Variants in EYS observed in about 807,000 individuals in gnomAD.
EYS encodes EGF-like photoreceptor maintenance factor.
EYS carries 250 observed loss-of-function variants against 282.1 expected under a neutral mutation model. The ratio of observed to expected loss-of-function variants is 0.89; its 90% CI spans 0.80 to 0.98. The LOEUF is 0.98. Ranked by LOEUF, EYS falls within the 50% of genes least tolerant of loss-of-function variation. The pLI is 0.00. For missense variants in EYS, 4,016 were observed against 3,709.0 expected (o/e 1.08, Z -2.15); for synonymous variants, 1,355 against 1,282.9 (o/e 1.06, Z -1.20).
intron 31 of EYS, among the ~76,000 whole-genome samples, chr6:64,096,085 T>G (rs1772600062): frequency 6.6e-6 from 1 of 152,228 alleles, no homozygotes; most frequent in Admixed American, 6.5e-5. Flanking sequence ...TGGCCCCCAC[T>G]CTCTTCTGGC....
chr6:64,033,731 G>A (rs1769974689), intron 33 of EYS, among the ~76,000 whole-genome samples: 1 of 151,862 alleles, frequency 6.6e-6, no homozygotes, highest in South Asian at 2.1e-4. Context: ...TAGAATTATT[G>A]TTTTCTAGAA....
At chr6:64,601,381 T>C (rs673271) in intron 24 of EYS, among the ~76,000 whole-genome samples, 18,598 of 151,896 alleles carry the variant, frequency 0.12, 1,179 homozygotes, top group East Asian at 0.16. Context: ...TGATTCAGTC[T>C]CTCCATTCTA....
chr6:64,384,054 C>T (rs1772833853), intron 29 of EYS, among the ~76,000 whole-genome samples: 1 of 152,090 alleles, frequency 6.6e-6, no homozygotes, highest in Non-Finnish European at 1.5e-5. Context: ...TCTCACAAGT[C>T]CTTAAAGAGA....
chr6:64,340,707 A>C (rs1486631789), intron 29 of EYS, among the ~76,000 whole-genome samples: 2 of 151,898 alleles, frequency 1.3e-5, no homozygotes, highest in Admixed American at 6.6e-5. Flanking sequence ...ACAAAACCAA[A>C]AACTGATAAG....
chr6:65,445,552 G>A (rs1768621925), intron 5 of EYS, among the ~76,000 whole-genome samples: 1 of 151,304 alleles, frequency 6.6e-6, no homozygotes, highest in African/African-American at 2.4e-5. Context: ...TGTGATTTTA[G>A]GTTTATTCAA....
intron 15 of EYS, among the ~76,000 whole-genome samples, chr6:64,938,990 G>A (rs1470220795): frequency 6.6e-6 from 1 of 151,662 alleles, no homozygotes; most frequent in Non-Finnish European, 1.5e-5. Context: ...TGTATGGTGT[G>A]TTAATTATGT....
At chr6:64,190,789 G>C (rs986925864) in intron 31 of EYS, among the ~76,000 whole-genome samples, 1 of 152,108 alleles carries the variant, frequency 6.6e-6, no homozygotes, top group Non-Finnish European at 1.5e-5. Context: ...TTAGGCTGGA[G>C]AAGAATCTTA....
chr6:64,943,322 C>T (rs181473972), intron 15 of EYS, among the ~76,000 whole-genome samples: 77 of 152,194 alleles, frequency 5.1e-4, no homozygotes, highest in Admixed American at 4.5e-3. Context: ...TTCTATTCAA[C>T]ACAGTACCGG....
chr6:64,879,814 A>C, intron 19 of EYS, among the ~76,000 whole-genome samples: 1 of 152,086 alleles, frequency 6.6e-6, no homozygotes, highest in East Asian at 1.9e-4. Context: ...GGGATAAGCT[A>C]AGTTTTAATT....
chr6:65,352,628 C>A (rs1764326222), intron 9 of EYS, among the ~76,000 whole-genome samples: 1 of 151,790 alleles, frequency 6.6e-6, no homozygotes, highest in Non-Finnish European at 1.5e-5. Flanking sequence ...ATTTCCAATT[C>A]ATAAACAAGA....
chr6:65,213,926 C>T (rs996329066), intron 12 of EYS, among the ~76,000 whole-genome samples: 2 of 151,738 alleles, frequency 1.3e-5, no homozygotes, highest in Non-Finnish European at 2.9e-5. Context: ...TTTGGGAGGC[C>T]GAGGCAGGCA....
rs1197213415 is a variant in EYS, at chr6:63,738,744, A to G, written c.8072-12064T>C. ...CTAAAACTTAAAGTATAATTATAAA[A>G]AAAATACATACAGACATATATACAC... is the stretch of plus-strand genomic sequence containing the variant. On this transcript the variant is annotated intron_variant, in intron 41 of 42. Coordinates refer to ENST00000503581, the MANE Select transcript of EYS (RefSeq NM_001142800.2). Among the ~76,000 whole-genome samples, 63 of 152,196 alleles carry G rather than the reference A, an allele frequency of 4.1e-4. 1 individual carries two copies. The highest frequency in any genetic ancestry group is 4.4e-5 in the Non-Finnish European group (3 of 68,042).
chr6:64,569,864 GAA>G (rs1765670717), intron 26 of EYS, among the ~76,000 whole-genome samples: 1 of 152,106 alleles, frequency 6.6e-6, no homozygotes, highest in African/African-American at 2.4e-5. Context: ...CAAGAGAATG[GAA>G]AACACTCTTC....
At chr6:64,965,178 A>G (rs766021807) in intron 14 of EYS, among the ~76,000 whole-genome samples, 2 of 152,182 alleles carry the variant, frequency 1.3e-5, no homozygotes, top group African/African-American at 4.8e-5. Flanking sequence ...TTTGGATACC[A>G]TAAGTATTTG....
chr6:65,503,532 G>A (rs1582386813), intron 2 of EYS, among the ~76,000 whole-genome samples: 2 of 151,494 alleles, frequency 1.3e-5, no homozygotes, highest in South Asian at 4.1e-4. Flanking sequence ...CAAGCCCAGG[G>A]TCATCTACAT....
intron 29 of EYS, among the ~76,000 whole-genome samples, chr6:64,340,190 TA>T (rs199515793): frequency 1.2e-3 from 170 of 140,294 alleles, no homozygotes; most frequent in South Asian, 1.1e-3. Flanking sequence ...TGTGTGTGTG[TA>T]AAAAAAAAAA....
At chr6:65,227,050 A>C (rs1766645332) in intron 12 of EYS, among the ~76,000 whole-genome samples, 1 of 152,022 alleles carries the variant, frequency 6.6e-6, no homozygotes, top group East Asian at 1.9e-4. Context: ...GCCTGATCAA[A>C]ATAGAGAATC....
chr6:64,024,890 T>C (rs924311761), intron 33 of EYS, among the ~76,000 whole-genome samples: 1 of 152,130 alleles, frequency 6.6e-6, no homozygotes, highest in Non-Finnish European at 1.5e-5. Context: ...CGTGAGGGTC[T>C]GCGGCTTCAT....
chr6:65,026,723 C>G (rs1456653195), intron 13 of EYS, among the ~76,000 whole-genome samples: 3 of 152,196 alleles, frequency 2.0e-5, no homozygotes, highest in Non-Finnish European at 2.9e-5. Flanking sequence ...CGAGACTGTC[C>G]TGGCTAACAC....
Sources: gnomAD v4.1 joint callset for allele counts (sites outside exome capture counted in the v4.1 genomes callset) on GRCh38, gnomAD v4.1.1 for gene constraint, MANE v1.5 for transcripts, NCBI Gene and HGNC (gene_info 2026-07-23, HGNC 2026-07-21) for gene names.